The following SPAG6 variants were observed in gnomAD, a reference collection of about 807,000 sequenced individuals.
SPAG6 encodes the protein sperm-associated antigen 6.
A neutral mutation model predicts 58.5 loss-of-function variants in SPAG6; 49 were observed. The observed-to-expected ratio is 0.84, with a 90% CI of 0.67 to 1.06. The LOEUF (loss-of-function observed/expected upper bound fraction) is 1.06. Among genes scored for constraint, SPAG6 ranks in the 50% least tolerant of loss-of-function variants. The probability of loss-of-function intolerance (pLI) is 0.00; values close to 1 mark genes in which losing one functional copy is unlikely to be tolerated. For synonymous variants in SPAG6, 233 were observed against 225.6 expected, an observed-to-expected ratio of 1.03 and a Z score of -0.29; for missense variants, 560 against 611.3, an observed-to-expected ratio of 0.92 and a Z score of 0.89.
At chr10:22,346,319 G>A (rs544093122) in intron 2 of SPAG6, among the ~76,000 whole-genome samples, 1 of 151,928 alleles carries the variant, frequency 6.6e-6, no homozygotes, top group African/African-American at 2.4e-5. Context: ...CTTATGGCGC[G>A]TTCCTTCTAC....
intron 8 of SPAG6, among the ~76,000 whole-genome samples, chr10:22,398,492 A>G (rs1271547930): frequency 6.6e-6 from 1 of 152,238 alleles, no homozygotes; most frequent in Non-Finnish European, 1.5e-5. Flanking sequence ...TTTGGAGGAC[A>G]AGGCAAGAGG....
intron 4 of SPAG6, among the ~76,000 whole-genome samples, chr10:22,384,694 C>T (rs920359091): frequency 6.6e-6 from 1 of 152,112 alleles, no homozygotes; most frequent in Non-Finnish European, 1.5e-5. Flanking sequence ...AGCTTCATGG[C>T]AAATCTTTTT....
intron 10 of SPAG6, chr10:22,413,200 G>C (rs1588569305): frequency 7.0e-6 from 1 of 142,560 alleles, no homozygotes; most frequent in East Asian, 2.3e-4. Flanking sequence ...TATTTTAATT[G>C]AGCACCAGGA....
chr10:22,387,253 A>G (rs888252921), intron 5 of SPAG6, among the ~76,000 whole-genome samples: 3 of 152,184 alleles, frequency 2.0e-5, no homozygotes, highest in Non-Finnish European at 4.4e-5. Context: ...AGACCTAAAG[A>G]TTTTTGAACC....
At chr10:22,386,705 C>T (rs764873640) in intron 4 of SPAG6, 49 bp from the exon 5 acceptor site, 4 of 1,472,352 alleles carry the variant, frequency 2.7e-6, no homozygotes, top group Non-Finnish European at 3.8e-6. Context: ...ATGGCTTGCA[C>T]AAGGGTCAGT....
At chr10:22,386,653 C>A in intron 4 of SPAG6, 101 bp from the exon 5 acceptor site, 2 of 852,088 alleles carry the variant, frequency 2.3e-6, no homozygotes, top group Admixed American at 1.8e-5. Flanking sequence ...GAGTGAAGTA[C>A]ACCCTCCCCT....
chr10:22,361,755 T>G (rs1303799310), intron 2 of SPAG6, among the ~76,000 whole-genome samples: 1 of 152,030 alleles, frequency 6.6e-6, no homozygotes, highest in Non-Finnish European at 1.5e-5. Context: ...GCAAAATATT[T>G]TACTTCTAAA....
intron 7 of SPAG6, among the ~76,000 whole-genome samples, chr10:22,390,563 T>C (rs1834162856): frequency 6.6e-6 from 1 of 152,224 alleles, no homozygotes; most frequent in African/African-American, 2.4e-5. Flanking sequence ...TACATTTAAA[T>C]AGTAATTTTA....
At chr10:22,378,390 C>T (rs1273599236) in intron 4 of SPAG6, among the ~76,000 whole-genome samples, 2 of 149,636 alleles carry the variant, frequency 1.3e-5, no homozygotes, top group Non-Finnish European at 1.5e-5. Flanking sequence ...TACATGCATA[C>T]ATTGCATAGT....
intron 9 of SPAG6, among the ~76,000 whole-genome samples, chr10:22,402,432 A>G (rs929921047): frequency 2.0e-5 from 3 of 152,232 alleles, no homozygotes; most frequent in South Asian, 2.1e-4. Context: ...GTCCCTACAG[A>G]TAAGTTTGCC....
At chr10:22,362,735 A>G (rs762427484) in intron 2 of SPAG6, among the ~76,000 whole-genome samples, 4 of 151,966 alleles carry the variant, frequency 2.6e-5, no homozygotes, top group Non-Finnish European at 4.4e-5. Context: ...TTTCAAAACA[A>G]CCCAAAAAAA....
At chr10:22,410,324 T>C (rs1834699063) in intron 9 of SPAG6, among the ~76,000 whole-genome samples, 1 of 152,198 alleles carries the variant, frequency 6.6e-6, no homozygotes. Flanking sequence ...GTGACAGACA[T>C]ATAATGGATA....
intron 10 of SPAG6, among the ~76,000 whole-genome samples, chr10:22,411,840 C>CTTTTTTTTTTTTTTTTTTTTTTT (rs546172800): frequency 1.5e-5 from 1 of 66,750 alleles, no homozygotes; most frequent in Admixed American, 2.0e-4. Context: ...ACAACTGAAT[C>CTTTTTTTTTTTTTTTTTTTTTTT]TTTTTTTTTT....
rs917471870 is a variant in SPAG6, at chr10:22,345,654, A to G, written c.25+18A>G. The G allele has an allele frequency of 2.1e-5, 32 of 1,556,470 alleles. No individual in the cohort carries two copies. The highest frequency in any genetic ancestry group is 1.4e-4 in the Admixed American group (7 of 50,404). The stretch of plus-strand genomic sequence containing the variant: ...GCTGCAAGGTAGGGCCGAGGCGGGC[A>G]GGTGCCCTAACTAGCTGGCGCCGAG... On this transcript the variant is annotated intron_variant, in intron 1 of 10. Transcript: ENST00000376624. The surrounding 1 kb of genome is among the most constrained non-coding windows in gnomAD (Gnocchi z 6.3).
chr10:22,387,786 A>G (rs377620254), intron 5 of SPAG6, 37 bp from the exon 6 acceptor site: 72 of 1,579,526 alleles, frequency 4.6e-5, no homozygotes, highest in East Asian at 3.8e-4. Flanking sequence ...GATGCTATAT[A>G]GTGTTTTGTT....
chr10:22,408,811 G>A (rs986447801), intron 9 of SPAG6, among the ~76,000 whole-genome samples: 10 of 152,224 alleles, frequency 6.6e-5, no homozygotes, highest in African/African-American at 1.7e-4. Context: ...AGGACCCTCC[G>A]AGCCATGTGT....
At chr10:22,396,769 G>A (rs893082058) in intron 8 of SPAG6, among the ~76,000 whole-genome samples, 6 of 152,150 alleles carry the variant, frequency 3.9e-5, no homozygotes, top group African/African-American at 1.4e-4. Flanking sequence ...GGAGGATACA[G>A]TCAGTTTTTA....
chr10:22,415,704 A>G (rs188104455), intron 10 of SPAG6, among the ~76,000 whole-genome samples: 9 of 152,348 alleles, frequency 5.9e-5, no homozygotes, highest in African/African-American at 1.4e-4. Flanking sequence ...GCATCTGGGC[A>G]TAGATAAAGA....
At chr10:22,399,227 A>G (rs569334790) in intron 8 of SPAG6, among the ~76,000 whole-genome samples, 1 of 152,342 alleles carries the variant, frequency 6.6e-6, no homozygotes, top group African/African-American at 2.4e-5. Context: ...AGAATTGTGC[A>G]ACCATCTTCA....
Sources: gnomAD v4.1 joint callset for allele counts (sites outside exome capture counted in the v4.1 genomes callset) on GRCh38, gnomAD v4.1.1 for gene constraint, Gnocchi (gnomAD v3.1) non-coding constraint, MANE v1.5 for transcripts, NCBI Gene and HGNC (gene_info 2026-07-23, HGNC 2026-07-21) for gene names.